Variants in RREB1 observed in about 807,000 individuals in gnomAD.
RREB1 encodes the protein ras-responsive element-binding protein 1.
RREB1 carries 27 observed loss-of-function variants against 117.8 expected under a neutral mutation model. The observed-to-expected ratio is 0.23, with a 90% CI of 0.17 to 0.32. The LOEUF (loss-of-function observed/expected upper bound fraction) is 0.32, where lower values mean the gene tolerates loss of function less well. Ranked by LOEUF, RREB1 falls within the 10% of genes least tolerant of loss-of-function variation. The probability of loss-of-function intolerance (pLI) is 1.00; values close to 1 mark genes in which losing one functional copy is unlikely to be tolerated. For missense variants in RREB1, 2,577 were observed against 2,378.2 expected (o/e 1.08, Z -1.74); for synonymous variants, 1,298 against 1,026.7 (o/e 1.26, Z -5.05).
In RREB1 at chr6:7,231,270, C is replaced by G. The variant is rs368887124; in HGVS notation, c.3171C>G (p.Pro1057=). 6.2e-7 allele frequency: 1 copy of G among 1,612,150 alleles called. No homozygotes were observed. Among genetic ancestry groups the G allele is most frequent in the South Asian group, 1.1e-5 (1 of 90,942 alleles). The change falls in exon 10 of 13, where the codon CCC becomes CCG. Residue 1057 remains proline, a synonymous_variant. Transcript: ENST00000379938. ...CCCCGCTGCTTTTGCCAAAGCCCCC[C>G]GTGACAGAAGAGCTGCCCCCGCTGG... ...PKPPLLLPKP[P]VTEELPPLAS...
chr6:7,184,595 C>T (rs1030322255), intron 4 of RREB1: 4 of 151,892 alleles, frequency 2.6e-5, no homozygotes, highest in Non-Finnish European at 5.9e-5. Context: ...GGTCTGTAGA[C>T]CTCCTCCCAT....
At chr6:7,167,696 AT>A (rs1370468478) in intron 1 of RREB1, among the ~76,000 whole-genome samples, 14 of 152,218 alleles carry the variant, frequency 9.2e-5, no homozygotes, top group Admixed American at 9.2e-4. Flanking sequence ...TGGCAATCCA[AT>A]AGGGGAAGCA....
Position 7,230,978 on chromosome 6 carries a change from A to G in RREB1, c.2879A>G (p.Glu960Gly). The change falls in exon 10 of 13, where the codon GAG becomes GGG. Residue 960 changes from glutamate to glycine, a missense_variant. Glu to Gly is a moderately conservative substitution (Grantham distance 98). Transcript: ENST00000379938. The stretch of plus-strand genomic sequence containing the variant: ...ACTCCCAGCGAAGCCAAGAAGCCTG[A>G]GGAGGAGGCGGGGAGCAGCGAGCAG... Reference protein sequence around the residue: ...LATPSEAKKPEEEAGSSEQPS... With the variant: ...LATPSEAKKPGEEAGSSEQPS... 1 of 1,614,156 alleles carries G rather than the reference A, an allele frequency of 6.2e-7. No individual in the cohort carries two copies. The highest frequency in any genetic ancestry group is 8.5e-7 in the Non-Finnish European group (1 of 1,180,002).
chr6:7,197,621 A>G (rs1370943394), intron 6 of RREB1, among the ~76,000 whole-genome samples: 1 of 152,222 alleles, frequency 6.6e-6, no homozygotes, highest in African/African-American at 2.4e-5. Flanking sequence ...AGCTGAGATC[A>G]CGCCGCTGCA....
intron 1 of RREB1, among the ~76,000 whole-genome samples, chr6:7,154,700 A>T (rs1215396524): frequency 6.6e-6 from 1 of 152,214 alleles, no homozygotes; most frequent in African/African-American, 2.4e-5. Context: ...CACTGCTGGC[A>T]AGTGGTAGAG....
chr6:7,205,358 A>G (rs924397060), intron 6 of RREB1, among the ~76,000 whole-genome samples: 1 of 152,128 alleles, frequency 6.6e-6, no homozygotes, highest in African/African-American at 2.4e-5. Context: ...GATTGTCCCC[A>G]TTTTACCAGT....
intron 1 of RREB1, among the ~76,000 whole-genome samples, chr6:7,116,683 A>G (rs993972393): frequency 1.3e-5 from 2 of 152,214 alleles, no homozygotes; most frequent in African/African-American, 4.8e-5. Context: ...CAGCATACCC[A>G]TCATGCAGAA....
chr6:7,236,372 C>T (rs552919323), intron 10 of RREB1, among the ~76,000 whole-genome samples: 1 of 152,136 alleles, frequency 6.6e-6, no homozygotes, highest in South Asian at 2.1e-4. Context: ...CCCCCCACAC[C>T]CTTTCCTCCC....
intron 1 of RREB1, among the ~76,000 whole-genome samples, chr6:7,125,496 A>C (rs1002988073): frequency 6.6e-6 from 1 of 151,974 alleles, no homozygotes; most frequent in African/African-American, 2.4e-5. Context: ...ACCACTTTTA[A>C]CCTCCCTGAA....
intron 1 of RREB1, among the ~76,000 whole-genome samples, chr6:7,128,788 G>T (rs1212921245): frequency 6.6e-6 from 1 of 152,144 alleles, no homozygotes; most frequent in Non-Finnish European, 1.5e-5. Context: ...GGCCAATATG[G>T]TGAAACCCCA....
At chr6:7,126,615 A>C (rs967502678) in intron 1 of RREB1, among the ~76,000 whole-genome samples, 3 of 152,254 alleles carry the variant, frequency 2.0e-5, no homozygotes. Flanking sequence ...GTGTGCTACC[A>C]GCTCAGTTAT....
At chr6:7,238,024 G>T (rs1768451376) in intron 10 of RREB1, among the ~76,000 whole-genome samples, 1 of 152,158 alleles carries the variant, frequency 6.6e-6, no homozygotes, top group Admixed American at 6.5e-5. Context: ...TGACAGGGGG[G>T]AGCGAGAAGC....
chr6:7,175,103 G>GAAT (rs1294626783), intron 1 of RREB1, among the ~76,000 whole-genome samples: 3 of 152,050 alleles, frequency 2.0e-5, no homozygotes, highest in Admixed American at 6.5e-5. Flanking sequence ...TATGAAAAAA[G>GAAT]AATAACTGCT....
intron 1 of RREB1, among the ~76,000 whole-genome samples, chr6:7,174,034 C>T (rs1224339805): frequency 1.3e-5 from 2 of 152,104 alleles, no homozygotes; most frequent in African/African-American, 4.8e-5. Flanking sequence ...GTTGACTTTG[C>T]GTAAATCTTG....
chr6:7,142,607 C>T (rs558531558), intron 1 of RREB1, among the ~76,000 whole-genome samples: 1 of 152,354 alleles, frequency 6.6e-6, no homozygotes, highest in Admixed American at 6.5e-5. Flanking sequence ...GCTTGACCCC[C>T]AGCAGGCCCG....
chr6:7,187,312 G>A (rs985537704), intron 4 of RREB1, 122 bp from the exon 5 acceptor site: 63 of 486,434 alleles, frequency 1.3e-4, no homozygotes, highest in Middle Eastern at 3.1e-4. Context: ...TACCTGGGCA[G>A]GTTCTGGAGC....
chr6:7,166,831 G>A lies in RREB1; in HGVS notation c.-284-9824G>A, dbSNP rs139083008. Among the ~76,000 whole-genome samples the A allele has an allele frequency of 2.6e-3, 389 of 152,308 alleles. 2 individuals carry two copies. Among genetic ancestry groups the A allele is most frequent in the Middle Eastern group, 0.014 (4 of 294 alleles). ...TCCCTGGGGCAAAGTGGAGAATCCC[G>A]TTGCTGCTGCACCCTTTCCCTGAGC... On this transcript the variant is annotated intron_variant, in intron 1 of 12. Transcript: ENST00000379938.
In RREB1 at chr6:7,249,097, G is replaced by GAC; in HGVS notation, c.*130_*131insCA. The GAC allele has an allele frequency of 1.5e-6, 1 of 670,824 alleles. No individual in the cohort carries two copies. The highest frequency in any genetic ancestry group is 2.3e-6 in the Non-Finnish European group (1 of 426,096). 41.6% of individuals were successfully genotyped at this position (670,824 alleles called of 1,614,324 possible). On this transcript the variant is annotated 3_prime_UTR_variant, in exon 13 of 13. Coordinates refer to ENST00000379938, the MANE Select transcript of RREB1 (RefSeq NM_001003699.4). ...AGAGAGAGAGAGAGAGAGAGAGAGA[G>GAC]AGAGAGACAAGCAGGAGCGTGGCTG...
chr6:7,156,662 T>C (rs1282680724), intron 1 of RREB1, among the ~76,000 whole-genome samples: 1 of 152,238 alleles, frequency 6.6e-6, no homozygotes, highest in Non-Finnish European at 1.5e-5. Context: ...TCCACTTGTT[T>C]ATTCTTGAGG....
Sources: gnomAD v4.1 joint callset for allele counts (sites outside exome capture counted in the v4.1 genomes callset) on GRCh38, gnomAD v4.1.1 for gene constraint, MANE v1.5 for transcripts, NCBI Gene and HGNC (gene_info 2026-07-23, HGNC 2026-07-21) for gene names.